Variants in GGT6 observed in about 807,000 individuals in gnomAD.
GGT6 encodes gamma-glutamyltransferase 6.
Under a neutral mutation model 17.0 loss-of-function variants are expected in GGT6, and 13 were observed. The observed-to-expected ratio is 0.77, with a 90% CI of 0.50 to 1.22. GGT6 has a LOEUF of 1.22. Ranked by LOEUF, GGT6 falls within the 50% of genes most tolerant of loss-of-function variation. The pLI is 0.00. For missense variants in GGT6, 628 were observed against 643.7 expected, an observed-to-expected ratio of 0.98 and a Z score of 0.26; for synonymous variants, 305 against 297.9, an observed-to-expected ratio of 1.02 and a Z score of -0.25.
chr17:4,559,521 C>T (rs1301549821), intron 2 of GGT6, 37 bp downstream of exon 2: 10 of 1,598,314 alleles, frequency 6.3e-6, no homozygotes, highest in Non-Finnish European at 6.0e-6. Flanking sequence ...TGACCCCTGA[C>T]CCTCCCCTCC....
chr17:4,558,000 C>T lies in GGT6; in HGVS notation c.*15G>A, dbSNP rs1268692470. 1 of 1,492,204 alleles carries T rather than the reference C, an allele frequency of 6.7e-7. No homozygotes were observed. The highest frequency in any genetic ancestry group is 9.0e-7 in the Non-Finnish European group (1 of 1,115,988). 92.4% of individuals were successfully genotyped at this position (1,492,204 alleles called of 1,614,324 possible). On this transcript the variant is annotated 3_prime_UTR_variant, in exon 4 of 4. Coordinates refer to ENST00000381550, the MANE Select transcript of GGT6 (RefSeq NM_001288702.2). ...TCAGATAACTCTGCCTTCTGCCAGA[C>T]CCACCCCCATCCTGTTAGAACCCCT...
At position 4,558,048 on chromosome 17, in the gene GGT6, G is replaced by A. The variant is rs760189372; in HGVS notation, c.1467C>T (p.Val489=). Residue 489 remains valine (V), a synonymous_variant, in exon 4 of 4, where the codon GTC becomes GTT. Coordinates refer to ENST00000381550, the MANE Select transcript of GGT6 (RefSeq NM_001288702.2). ...CCTGGAAGGGGCAGCAGGCATGGGG[G>A]ACACTGGAGACATGGGCGTGCTCTG... ...AHTEHAHVSS[V]PHACCPFQGF is the part of the protein sequence containing the mutation. The A allele has an allele frequency of 6.4e-7, 1 of 1,564,440 alleles. No individual in the cohort carries two copies. Among genetic ancestry groups the A allele is most frequent in the East Asian group, 2.3e-5 (1 of 44,438 alleles).
Position 4,560,517 on chromosome 17 carries a change from T to G in GGT6, c.5A>C (p.Glu2Ala). The G allele has an allele frequency of 1.2e-6, 2 of 1,610,288 alleles. No homozygotes were observed. Among genetic ancestry groups the G allele is most frequent in the South Asian group, 1.1e-5 (1 of 91,078 alleles). Residue 2 changes from glutamate to alanine, a missense_variant, in exon 1 of 4, where the codon GAG becomes GCG. Transcript: ENST00000381550. ...ATAGACCACGGGCTCTTCTGCCCGC[T>G]CCATGGCCCCCCAGTGCTCGCCCCA... M[E>A]RAEEPVVYQK...
Position 4,559,421 on chromosome 17 carries a change from C to T in GGT6, c.379G>A (p.Ala127Thr), listed in dbSNP as rs1908464174. The T allele has an allele frequency of 1.3e-6, 2 of 1,551,974 alleles. No individual in the cohort carries two copies. Among genetic ancestry groups the T allele is most frequent in the Non-Finnish European group, 1.7e-6 (2 of 1,147,120 alleles). The change falls in exon 3 of 4, where the codon GCC becomes ACC. Residue 127 changes from alanine to threonine, a missense_variant. Physicochemically the swap from Ala to Thr is moderately conservative, Grantham distance 58. Transcript: ENST00000381550. ...CCAGCATCCACGACGTTGCCCCCGGCAACAAGCAGCTCTCGGCCTAGGTGG... is the reference window on the plus strand; with the variant it reads ...CCAGCATCCACGACGTTGCCCCCGGTAACAAGCAGCTCTCGGCCTAGGTGG... ...CSHLGRELLV[A>T]GGNVVDAGVG...
At chr17:4,559,264 G>T in intron 3 of GGT6, 79 bp downstream of exon 3, 1 of 1,271,880 alleles carries the variant, frequency 7.9e-7, no homozygotes, top group Non-Finnish European at 1.1e-6. Flanking sequence ...CTTGAGGTCA[G>T]TGCTACTGAC....
rs1166228296 is a variant in GGT6, at chr17:4,558,593, G to A, written c.922C>T (p.Pro308Ser). 1.7e-5 allele frequency: 27 copies of A among 1,564,372 alleles called. No individual in the cohort carries two copies. Among genetic ancestry groups the A allele is most frequent in the Non-Finnish European group, 2.3e-5 (27 of 1,155,236 alleles). The change falls in exon 4 of 4, where the codon CCT (proline) becomes TCT (serine). Residue 308 changes from proline (P) to serine (S), a missense_variant. Physicochemically the swap from Pro to Ser is moderately conservative, Grantham distance 74. Coordinates refer to ENST00000381550, the MANE Select transcript of GGT6 (RefSeq NM_001288702.2). Reference sequence around the variant, plus strand: ...GTGAACAGGATGCCCTGGGGCACAGGTAGCTGCTCTGCTGGTTCCAAAGTG... The same window carrying A: ...GTGAACAGGATGCCCTGGGGCACAGATAGCTGCTCTGCTGGTTCCAAAGTG... The part of the protein sequence containing the change: ...RPTLEPAEQL[P>S]VPQGILFTTP...
Position 4,557,304 on chromosome 17 carries a change from A to C in GGT6, c.*711T>G, listed in dbSNP as rs575829036. The C allele has an allele frequency of 3.3e-5, 5 of 149,714 alleles. No homozygotes were observed. In the East Asian group the frequency reaches 9.7e-4, roughly 29 times the overall value. The allele number at this position is 149,714 out of a possible 1,614,324, so 9.3% of individuals were successfully genotyped here. ...GGCCTGAGCCAGCAGTGAGCACATA[A>C]TAAATCCTTTTTTTTTTTTTTTTTT... On this transcript the variant is annotated 3_prime_UTR_variant, in exon 4 of 4. Transcript: ENST00000381550.
chr17:4,559,706 C>T lies in GGT6; in HGVS notation c.195G>A (p.Leu65=). 1 of 1,611,934 alleles carries T rather than the reference C, an allele frequency of 6.2e-7. No homozygotes were observed. Among genetic ancestry groups the T allele is most frequent in the Non-Finnish European group, 8.5e-7 (1 of 1,179,962 alleles). Residue 65 remains leucine, a synonymous_variant, in exon 2 of 4, where the codon CTG becomes CTA. Coordinates refer to ENST00000381550, the MANE Select transcript of GGT6 (RefSeq NM_001288702.2). The part of the protein sequence containing the change: ...GTWARVVAAL[L]LLAVGCSLAV... The stretch of plus-strand genomic sequence containing the variant: ...CCAGGGAGCAGCCAACAGCCAGCAG[C>T]AGCAGGGCTGCCACTACACGGGCCC...
chr17:4,556,496 G>A (rs58091001), downstream of GGT6, among the ~76,000 whole-genome samples: 5,156 of 152,262 alleles, frequency 0.034, 306 homozygotes, highest in African/African-American at 0.12. Context: ...TTAAATCAGA[G>A]AAGCCTTTTA....
rs1187902823 is a variant in GGT6, at chr17:4,560,470, G to A, written c.52C>T (p.Pro18Ser). Residue 18 changes from proline (P) to serine (S), a missense_variant, in exon 1 of 4, where the codon CCA (proline) becomes TCA (serine). By Grantham distance (74) the Pro-to-Ser change is moderately conservative (BLOSUM62 -1). Coordinates refer to ENST00000381550, the MANE Select transcript of GGT6 (RefSeq NM_001288702.2). ...VVYQKLLPWE[P>S]SLESEEEVEE... ...ACTTCCTCCTCCGACTCCAAGCTTG[G>A]CTCCCAGGGCAGCAGCTTCTGATAG... 43 of 1,613,734 alleles carry A rather than the reference G, an allele frequency of 2.7e-5. No individual in the cohort carries two copies. The highest frequency in any genetic ancestry group is 3.6e-5 in the Non-Finnish European group (43 of 1,180,010).
At chr17:4,559,298 C>A in intron 3 of GGT6, 45 bp downstream of exon 3, 1 of 1,440,460 alleles carries the variant, frequency 6.9e-7, no homozygotes, top group South Asian at 1.2e-5. Flanking sequence ...GGTCACTGAT[C>A]AGGCTGTGGG....
Position 4,560,441 on chromosome 17 carries a change from C to T in GGT6, c.81G>A (p.Glu27=). The T allele has an allele frequency of 6.2e-7, 1 of 1,613,988 alleles. No homozygotes were observed. The highest frequency in any genetic ancestry group is 1.7e-5 in the Admixed American group (1 of 60,028). ...CCAGCGCCTCTGATGTCTCCTCCTC[C>T]TCCACTTCCTCCTCCGACTCCAAGC... ...EPSLESEEEV[E]EEETSEALVL... Residue 27 remains glutamate, a synonymous_variant, in exon 1 of 4, where the codon GAG becomes GAA. Transcript: ENST00000381550.
chr17:4,559,563 G>A lies in GGT6; in HGVS notation c.338C>T (p.Pro113Leu), dbSNP rs1416374081. ...CGCCCCCAGCACTGACTGACCTGCA[G>A]GGCTGATGATGGCACCGTGGTGGTA... ...GVYHHGAIIS[P>L]AATCSHLGRE... Residue 113 changes from proline (P) to leucine (L), a missense_variant, in exon 2 of 4, where the codon CCT (proline) becomes CTT (leucine). Transcript: ENST00000381550. 5.0e-6 allele frequency: 8 copies of A among 1,613,416 alleles called. No individual in the cohort carries two copies. Among genetic ancestry groups the A allele is most frequent in the Non-Finnish European group, 6.8e-6 (8 of 1,179,940 alleles).
intron 1 of GGT6, chr17:4,560,020 G>A (rs1212363361): frequency 1.7e-6 from 1 of 581,246 alleles, no homozygotes; most frequent in South Asian, 2.0e-5. Context: ...TGGGAGGGAG[G>A]CCCAGTGGGG....
chr17:4,559,213 T>C (rs1908444309), intron 3 of GGT6, 130 bp downstream of exon 3: 3 of 1,221,162 alleles, frequency 2.5e-6, no homozygotes, highest in Admixed American at 4.1e-5. Flanking sequence ...AGCCTGGGGT[T>C]GGACTGCTGC....
rs371984536 is a variant in GGT6 at position 4,559,539 on chromosome 17, G to A, written c.343+19C>T. The stretch of plus-strand genomic sequence containing the variant: ...CCCCTGACCCTCCCCTCCCCAAGCC[G>A]CCCCCAGCACTGACTGACCTGCAGG... On this transcript the variant is annotated intron_variant, in intron 2 of 3. Coordinates refer to ENST00000381550, the MANE Select transcript of GGT6 (RefSeq NM_001288702.2). 2.6e-5 allele frequency: 42 copies of A among 1,609,450 alleles called. No individual in the cohort carries two copies. Among genetic ancestry groups the A allele is most frequent in the African/African-American group, 8.0e-5 (6 of 74,860 alleles).
chr17:4,558,036 G>A lies in GGT6; in HGVS notation c.1479C>T (p.Cys493=). 6.5e-7 allele frequency: 1 copy of A among 1,548,686 alleles called. No individual in the cohort carries two copies. The highest frequency in any genetic ancestry group is 8.7e-7 in the Non-Finnish European group (1 of 1,147,304). The change falls in exon 4 of 4, where the codon TGC becomes TGT. Residue 493 remains cysteine (C), a synonymous_variant. Transcript: ENST00000381550. ...HAHVSSVPHA[C]CPFQGF ...CCTGTTAGAACCCCTGGAAGGGGCA[G>A]CAGGCATGGGGGACACTGGAGACAT...
downstream of GGT6, among the ~76,000 whole-genome samples, chr17:4,556,759 C>T (rs2144525033): frequency 6.6e-6 from 1 of 151,332 alleles, no homozygotes; most frequent in South Asian, 2.1e-4. Flanking sequence ...CCTTGCACAT[C>T]TGGTGCCCCA....
Position 4,559,448 on chromosome 17 carries a change from A to G in GGT6, c.352T>C (p.Ser118Pro). 4 of 1,553,544 alleles carry G rather than the reference A, an allele frequency of 2.6e-6. No individual in the cohort carries two copies. Among genetic ancestry groups the G allele is most frequent in the Non-Finnish European group, 3.5e-6 (4 of 1,148,000 alleles). ...ACAAGCAGCTCTCGGCCTAGGTGGG[A>G]GCATGTGGCTGCAGCAAGGAAGGCA... ...GAIISPAATC[S>P]HLGRELLVAG... The change falls in exon 3 of 4, where the codon TCC becomes CCC. Residue 118 changes from serine to proline, a missense_variant. Ser to Pro is a moderately conservative substitution (Grantham distance 74). Coordinates refer to ENST00000381550, the MANE Select transcript of GGT6 (RefSeq NM_001288702.2).
Sources: allele counts gnomAD v4.1 joint callset (sites outside exome capture counted in the v4.1 genomes callset), GRCh38; gene constraint gnomAD v4.1.1; transcripts MANE v1.5; gene names NCBI Gene and HGNC (gene_info 2026-07-23, HGNC 2026-07-21).